Variants in GAPT observed in about 807,000 individuals in gnomAD.
The protein encoded by GAPT is protein GAPT.
For synonymous variants in GAPT, 82 were observed against 69.7 expected (o/e 1.18, Z -0.88); for missense variants, 206 against 189.2 (o/e 1.09, Z -0.52).
chr5:58,494,920 G>A lies in GAPT; in HGVS notation c.384G>A (p.Glu128=). Residue 128 remains glutamate (E), a synonymous_variant, in exon 3 of 3, where the codon GAG becomes GAA. Transcript: ENST00000502276. ...SNFEEHIYGN[E]TSSDYYNFQK... ...TCGAGGAGCATATCTATGGAAATGAGACATCTTCTGACTATTATAACTTCC... is the reference window on the plus strand; with the variant it reads ...TCGAGGAGCATATCTATGGAAATGAAACATCTTCTGACTATTATAACTTCC... 2 of 1,613,958 alleles carry A rather than the reference G, an allele frequency of 1.2e-6. No individual in the cohort carries two copies. The highest frequency in any genetic ancestry group is 1.7e-6 in the Non-Finnish European group (2 of 1,179,878).
Position 58,494,721 on chromosome 5 carries a change from T to C in GAPT, c.185T>C (p.Leu62Ser), listed in dbSNP as rs556158950. The C allele has an allele frequency of 5.1e-5, 82 of 1,614,020 alleles. 1 individual carries two copies. The South Asian group carries it at 8.6e-4, about 17-fold the overall frequency. ...AGAAAAGTCTGTACTAAAACATTCT[T>C]GGGCCCCCGCATCATTGGCTTAAGG... The part of the protein sequence containing the change: ...SRRKVCTKTF[L>S]GPRIIGLRHE... Residue 62 changes from leucine (L) to serine (S), a missense_variant, in exon 3 of 3, where the codon TTG (leucine) becomes TCG (serine). Leu to Ser is a moderately radical substitution (Grantham distance 145). Transcript: ENST00000502276.
At chr5:58,492,208 G>A (rs10051454) in intron 1 of GAPT, among the ~76,000 whole-genome samples, 18,084 of 152,138 alleles carry the variant, frequency 0.12, 1,413 homozygotes, top group South Asian at 0.25. Flanking sequence ...AGTGACAATA[G>A]TTAGCCTTCC....
intron 1 of GAPT, 145 bp downstream of exon 1, chr5:58,491,686 A>C (rs1744262882): frequency 6.6e-6 from 1 of 152,216 alleles, no homozygotes; most frequent in Admixed American, 6.6e-5. Context: ...CCCAATTTAC[A>C]AACTGAGAGT....
rs1462580152 is a variant in GAPT, at chr5:58,495,295, G to C, written c.*285G>C. 6.0e-6 allele frequency: 2 copies of C among 331,920 alleles called. No homozygotes were observed. Among genetic ancestry groups the C allele is most frequent in the Non-Finnish European group, 1.1e-5 (2 of 180,600 alleles). 20.6% of individuals were successfully genotyped at this position (331,920 alleles called of 1,614,324 possible). A position where few individuals can be genotyped will look rare whatever the true frequency, so the allele number is the denominator to read the frequency against. On this transcript the variant is annotated 3_prime_UTR_variant, in exon 3 of 3. Transcript: ENST00000502276. ...AGACACTGGGGCCTACTTGAGGGAG[G>C]ACAGTGGAAGGAGGGAGAGGTTCAG... is the stretch of plus-strand genomic sequence containing the variant.
intron 1 of GAPT, among the ~76,000 whole-genome samples, chr5:58,493,182 C>G (rs898393587): frequency 6.6e-6 from 1 of 152,088 alleles, no homozygotes; most frequent in Non-Finnish European, 1.5e-5. Flanking sequence ...AGCTGAAACT[C>G]TTAACTAAAC....
Position 58,495,765 on chromosome 5 carries a change from A to G in GAPT, c.*755A>G, listed in dbSNP as rs1744431114. 1 of 166,438 alleles carries G rather than the reference A, an allele frequency of 6.0e-6. No homozygotes were observed. The highest frequency in any genetic ancestry group is 2.4e-5 in the African/African-American group (1 of 41,440). 10.3% of individuals were successfully genotyped at this position (166,438 alleles called of 1,614,324 possible). On this transcript the variant is annotated 3_prime_UTR_variant, in exon 3 of 3. Transcript: ENST00000502276. The stretch of plus-strand genomic sequence containing the variant: ...CTAGTTTCTACCCACTCAATCAATT[A>G]CCGATGGTGTTGCCAGATTTATCTT...
In GAPT at chr5:58,494,614, A is replaced by C. The variant is rs1744380918; in HGVS notation, c.78A>C (p.Gly26=). The C allele has an allele frequency of 6.2e-7, 1 of 1,613,848 alleles. No homozygotes were observed. The highest frequency in any genetic ancestry group is 1.3e-5 in the African/African-American group (1 of 74,904). Residue 26 remains glycine (G), a synonymous_variant, in exon 3 of 3, where the codon GGA becomes GGC. Coordinates refer to ENST00000502276, the MANE Select transcript of GAPT (RefSeq NM_001304431.2). The part of the protein sequence containing the change: ...ISLLLLLVVC[G]IGCVWHWKHR... ...TTCTTTTACTCTTAGTGGTTTGTGG[A>C]ATTGGGTGTGTTTGGCACTGGAAAC...
rs1386846405 is a variant in GAPT, at chr5:58,495,157, G to A, written c.*147G>A. ...CACATACACCATAGAATATTATGCA[G>A]CCGTAAAAAAAGAACAAAACTAACA... On this transcript the variant is annotated 3_prime_UTR_variant, in exon 3 of 3. Transcript: ENST00000502276. The A allele has an allele frequency of 1.7e-6, 1 of 582,822 alleles. No individual in the cohort carries two copies. Among genetic ancestry groups the A allele is most frequent in the Non-Finnish European group, 3.0e-6 (1 of 334,770 alleles). 36.1% of individuals were successfully genotyped at this position (582,822 alleles called of 1,614,324 possible). A position where few individuals can be genotyped will look rare whatever the true frequency, so the allele number is the denominator to read the frequency against.
intron 1 of GAPT, among the ~76,000 whole-genome samples, chr5:58,492,588 C>T (rs895700819): frequency 6.6e-6 from 1 of 152,100 alleles, no homozygotes; most frequent in Non-Finnish European, 1.5e-5. Flanking sequence ...ATCTGGGGTG[C>T]TTGTCCCTGT....
intron 1 of GAPT, chr5:58,493,481 C>A (rs933964666): frequency 6.6e-6 from 1 of 152,174 alleles, no homozygotes; most frequent in African/African-American, 2.4e-5. Flanking sequence ...TTAAAGATCT[C>A]ATTTCATGTT....
Position 58,496,499 on chromosome 5 carries a change from G to C in GAPT, c.*1489G>C, listed in dbSNP as rs1426383314. 1 of 167,058 alleles carries C rather than the reference G, an allele frequency of 6.0e-6. No homozygotes were observed. Among genetic ancestry groups the C allele is most frequent in the African/African-American group, 2.4e-5 (1 of 41,442 alleles). The allele number at this position is 167,058 out of a possible 1,614,324, so 10.3% of individuals were successfully genotyped here. A position where few individuals can be genotyped will look rare whatever the true frequency, so the allele number is the denominator to read the frequency against. ...ACAGTCTAGTAGGAAAGAAAACATA[G>C]TAAACAAATGAATACGATGCTGCTC... On this transcript the variant is annotated 3_prime_UTR_variant, in exon 3 of 3. Coordinates refer to ENST00000502276, the MANE Select transcript of GAPT (RefSeq NM_001304431.2).
chr5:58,494,274 C>G lies in GAPT; in HGVS notation c.-263C>G, dbSNP rs1744360666. The G allele has an allele frequency of 2.8e-6, 1 of 363,176 alleles. No individual in the cohort carries two copies. The highest frequency in any genetic ancestry group is 2.1e-5 in the African/African-American group (1 of 48,212). 22.5% of individuals were successfully genotyped at this position (363,176 alleles called of 1,614,324 possible). A position where few individuals can be genotyped will look rare whatever the true frequency, so the allele number is the denominator to read the frequency against. Reference sequence around the variant, plus strand: ...AAGGAAGTGGAATGGAATAAAATCCCCCAATACAGTACAATTATACATTAA... The same window carrying G: ...AAGGAAGTGGAATGGAATAAAATCCGCCAATACAGTACAATTATACATTAA... On this transcript the variant is annotated 5_prime_UTR_variant, in exon 3 of 3. Coordinates refer to ENST00000502276, the MANE Select transcript of GAPT (RefSeq NM_001304431.2).
At position 58,494,619 on chromosome 5, in the gene GAPT, G is replaced by A. The variant is rs777004865; in HGVS notation, c.83G>A (p.Gly28Glu). Residue 28 changes from glycine (G) to glutamate (E), a missense_variant, in exon 3 of 3, where the codon GGG (glycine) becomes GAG (glutamate). Gly to Glu is a moderately conservative substitution (Grantham distance 98). Transcript: ENST00000502276. Reference protein sequence around the residue: ...LLLLLVVCGIGCVWHWKHRVA... With the variant: ...LLLLLVVCGIECVWHWKHRVA... The stretch of plus-strand genomic sequence containing the variant: ...TTACTCTTAGTGGTTTGTGGAATTG[G>A]GTGTGTTTGGCACTGGAAACACCGT... The A allele has an allele frequency of 6.2e-7, 1 of 1,614,000 alleles. No individual in the cohort carries two copies. The highest frequency in any genetic ancestry group is 1.1e-5 in the South Asian group (1 of 91,076).
chr5:58,495,309 G>C lies in GAPT; in HGVS notation c.*299G>C. On this transcript the variant is annotated 3_prime_UTR_variant, in exon 3 of 3. Coordinates refer to ENST00000502276, the MANE Select transcript of GAPT (RefSeq NM_001304431.2). ...ACTTGAGGGAGGACAGTGGAAGGAG[G>C]GAGAGGTTCAGGGAAAAAAAAAATA... The C allele has an allele frequency of 3.4e-6, 1 of 296,308 alleles. No homozygotes were observed. The allele number at this position is 296,308 out of a possible 1,614,324, so 18.4% of individuals were successfully genotyped here. A position where few individuals can be genotyped will look rare whatever the true frequency, so the allele number is the denominator to read the frequency against.
chr5:58,496,607 C>A lies in GAPT; in HGVS notation c.*1597C>A, dbSNP rs1460161550. On this transcript the variant is annotated 3_prime_UTR_variant, in exon 3 of 3. Coordinates refer to ENST00000502276, the MANE Select transcript of GAPT (RefSeq NM_001304431.2). ...TTGACCTGGGCCTCTGCAAACATTT[C>A]TTTTGCCAGGTGGATCCATTCTATT... The A allele has an allele frequency of 1.8e-5, 3 of 167,114 alleles. No homozygotes were observed. The highest frequency in any genetic ancestry group is 7.2e-5 in the African/African-American group (3 of 41,458). The allele number at this position is 167,114 out of a possible 1,614,324, so 10.4% of individuals were successfully genotyped here. A position where few individuals can be genotyped will look rare whatever the true frequency, so the allele number is the denominator to read the frequency against.
intron 1 of GAPT, among the ~76,000 whole-genome samples, chr5:58,491,906 T>C (rs1478109206): frequency 6.6e-6 from 1 of 152,208 alleles, no homozygotes; most frequent in Non-Finnish European, 1.5e-5. Context: ...ATTATTTAAG[T>C]GTTAAACTAT....
chr5:58,494,283 G>A lies in GAPT; in HGVS notation c.-254G>A. 2.4e-6 allele frequency: 1 copy of A among 408,888 alleles called. No individual in the cohort carries two copies. The highest frequency in any genetic ancestry group is 6.0e-5 in the South Asian group (1 of 16,744). 25.3% of individuals were successfully genotyped at this position (408,888 alleles called of 1,614,324 possible). Reference sequence around the variant, plus strand: ...GAATGGAATAAAATCCCCCAATACAGTACAATTATACATTAATGGCTGTAA... The same window carrying A: ...GAATGGAATAAAATCCCCCAATACAATACAATTATACATTAATGGCTGTAA... On this transcript the variant is annotated 5_prime_UTR_variant, in exon 3 of 3. Transcript: ENST00000502276.
rs769128262 is a variant in GAPT, at chr5:58,496,323, A to G, written c.*1313A>G. On this transcript the variant is annotated 3_prime_UTR_variant, in exon 3 of 3. Coordinates refer to ENST00000502276, the MANE Select transcript of GAPT (RefSeq NM_001304431.2). ...GTACATTTTGCTGAGTAGTTTTGAG[A>G]AAAAAATCTAATAAATTCATCTGTT... The G allele has an allele frequency of 1.2e-5, 2 of 166,246 alleles. No homozygotes were observed. The highest frequency in any genetic ancestry group is 2.4e-5 in the African/African-American group (1 of 41,440). 10.3% of individuals were successfully genotyped at this position (166,246 alleles called of 1,614,324 possible).
chr5:58,494,643 G>A lies in GAPT; in HGVS notation c.107G>A (p.Arg36His), dbSNP rs140667298. Reference sequence around the variant, plus strand: ...GGGTGTGTTTGGCACTGGAAACACCGTGTTGCCACACGATTTACCTTACCG... The same window carrying A: ...GGGTGTGTTTGGCACTGGAAACACCATGTTGCCACACGATTTACCTTACCG... ...GIGCVWHWKH[R>H]VATRFTLPRF... The change falls in exon 3 of 3, where the codon CGT becomes CAT. Residue 36 changes from arginine to histidine, a missense_variant. Arg to His is a conservative substitution (Grantham distance 29). Coordinates refer to ENST00000502276, the MANE Select transcript of GAPT (RefSeq NM_001304431.2). 105 of 1,613,968 alleles carry A rather than the reference G, an allele frequency of 6.5e-5. No homozygotes were observed. The African/African-American group carries it at 1.3e-3, about 19-fold the overall frequency.
Sources: allele counts gnomAD v4.1 joint callset (sites outside exome capture counted in the v4.1 genomes callset), GRCh38; gene constraint gnomAD v4.1.1; transcripts MANE v1.5; gene names NCBI Gene and HGNC (gene_info 2026-07-23, HGNC 2026-07-21).